The following ADK variants were observed in gnomAD, a reference collection of about 807,000 sequenced individuals.
The protein encoded by ADK is N6,N6-dimethyladenosine kinase.
In ADK, 24 loss-of-function variants were observed where a neutral mutation model predicts 44.7. The observed-to-expected ratio is 0.54, with a 90% CI of 0.39 to 0.76. The LOEUF (loss-of-function observed/expected upper bound fraction) is 0.76. Among genes scored for constraint, ADK ranks in the 30% least tolerant of loss-of-function variants. The pLI, the probability that ADK is intolerant of heterozygous loss-of-function variation, is 0.00. For synonymous variants in ADK, 128 were observed against 142.6 expected (o/e 0.90, Z 0.73); for missense variants, 321 against 425.1 (o/e 0.76, Z 2.15).
chr10:74,176,985 C>T, intron 1 of ADK: 2 of 1,510,324 alleles, frequency 1.3e-6, no homozygotes, highest in Admixed American at 1.9e-5. Flanking sequence ...CTGGAGCCTG[C>T]CTCCGCCTCT....
At chr10:74,395,536 TA>T (rs903257671) in intron 5 of ADK, among the ~76,000 whole-genome samples, 7 of 151,324 alleles carry the variant, frequency 4.6e-5, no homozygotes, top group Non-Finnish European at 7.4e-5. Flanking sequence ...TCAGGGATTT[TA>T]AAAAAAAACA....
chr10:74,594,882 T>C (rs1478848239), intron 8 of ADK, among the ~76,000 whole-genome samples: 4 of 152,168 alleles, frequency 2.6e-5, no homozygotes, highest in South Asian at 2.1e-4. Flanking sequence ...ATTAAAAAAA[T>C]AGGCTATATG....
At chr10:74,611,405 T>C (rs1305018399) in intron 9 of ADK, among the ~76,000 whole-genome samples, 3 of 152,052 alleles carry the variant, frequency 2.0e-5, no homozygotes, top group Non-Finnish European at 4.4e-5. Context: ...GGAGAAAATA[T>C]ATTAAGTCAG....
At chr10:74,479,035 G>GT (rs1846967652) in intron 6 of ADK, among the ~76,000 whole-genome samples, 1 of 151,962 alleles carries the variant, frequency 6.6e-6, no homozygotes, top group South Asian at 2.1e-4. Flanking sequence ...GTCTTACTCT[G>GT]TCTCCCAGGC....
At chr10:74,478,235 C>G (rs1201968458) in intron 6 of ADK, among the ~76,000 whole-genome samples, 1 of 152,126 alleles carries the variant, frequency 6.6e-6, no homozygotes, top group African/African-American at 2.4e-5. Flanking sequence ...TTATTTATTT[C>G]TAGAGACAGT....
chr10:74,455,724 G>A (rs185551279), intron 6 of ADK, among the ~76,000 whole-genome samples: 66 of 152,184 alleles, frequency 4.3e-4, no homozygotes, highest in African/African-American at 1.4e-3. Flanking sequence ...TGGCCAGGAT[G>A]GTCTTGATCT....
In ADK at chr10:74,652,746, C is replaced by T. The variant is rs1370178381; in HGVS notation, c.878-17437C>T. On this transcript the variant is annotated intron_variant, in intron 9 of 10. Coordinates refer to ENST00000539909, the MANE Select transcript of ADK (RefSeq NM_006721.4). ...CTGCACTCCAGCCTGGGCGATACGG[C>T]GAGACTTAGTATCAAAAAGAAAAAA... 3.3e-5 allele frequency among the ~76,000 whole-genome samples: 5 copies of T among 149,722 alleles called. 1 individual carries two copies. In the South Asian group the frequency reaches 8.5e-4, roughly 25 times the overall value.
At chr10:74,695,300 T>G (rs905947610) in intron 10 of ADK, among the ~76,000 whole-genome samples, 1 of 152,196 alleles carries the variant, frequency 6.6e-6, no homozygotes, top group African/African-American at 2.4e-5. Flanking sequence ...ATTGAATTTG[T>G]ATTGAATGTT....
rs1554883619 is a variant in ADK, at chr10:74,577,110, C to CTGTTTG, written c.727-12169_727-12168insTTGTGT. On this transcript the variant is annotated intron_variant, in intron 7 of 10. Transcript: ENST00000539909. ...CCACTTAGTGTTTTGTATTATTTCT[C>CTGTTTG]TGTGTGTGTGTGTGTGTGTGTGTGT... 2.2e-4 allele frequency among the ~76,000 whole-genome samples: 30 copies of CTGTTTG among 137,328 alleles called. 2 individuals carry two copies. The highest frequency in any genetic ancestry group is 7.8e-5 in the Non-Finnish European group (5 of 64,172). The allele number at this position is 137,328 out of a possible 152,430, so 90.1% of individuals were successfully genotyped here.
chr10:74,680,050 C>G (rs1192456130), intron 10 of ADK, among the ~76,000 whole-genome samples: 3 of 151,982 alleles, frequency 2.0e-5, no homozygotes, highest in Non-Finnish European at 4.4e-5. Flanking sequence ...CACGGTGGCT[C>G]ACGCCTGTAA....
rs530360794 is a variant in ADK, at chr10:74,301,487, C to T, written c.195-13180C>T. ...CCAGATTGCACCACTGCACTCCAGC[C>T]TGGGTGACAGAATGAGACTCTGTCT... On this transcript the variant is annotated intron_variant, in intron 3 of 10. Transcript: ENST00000539909. 2.8e-5 allele frequency among the ~76,000 whole-genome samples: 4 copies of T among 142,408 alleles called. No homozygotes were observed. In the East Asian group the frequency reaches 8.1e-4, roughly 29 times the overall value. 93.4% of individuals were successfully genotyped at this position (142,408 alleles called of 152,430 possible). A position where few individuals can be genotyped will look rare whatever the true frequency, so the allele number is the denominator to read the frequency against.
chr10:74,258,242 T>C (rs1845899517), intron 3 of ADK, among the ~76,000 whole-genome samples: 2 of 152,198 alleles, frequency 1.3e-5, no homozygotes, highest in South Asian at 4.1e-4. Context: ...TCACTTACTA[T>C]AGTAAATGAC....
At chr10:74,588,056 T>C (rs1003394301) in intron 7 of ADK, among the ~76,000 whole-genome samples, 7 of 152,128 alleles carry the variant, frequency 4.6e-5, no homozygotes, top group African/African-American at 1.4e-4. Context: ...GACTGTTTAT[T>C]ATAAAAAATT....
chr10:74,665,560 C>T (rs991780808), intron 9 of ADK, among the ~76,000 whole-genome samples: 1 of 151,818 alleles, frequency 6.6e-6, no homozygotes, highest in African/African-American at 2.4e-5. Flanking sequence ...CAGCAAGACC[C>T]TGTCTCTACA....
chr10:74,643,806 T>C (rs527866469), intron 9 of ADK, among the ~76,000 whole-genome samples: 1 of 152,338 alleles, frequency 6.6e-6, no homozygotes, highest in East Asian at 1.9e-4. Flanking sequence ...TTTAAAGATT[T>C]AGATGATTAG....
chr10:74,700,645 G>T (rs1049153752), intron 10 of ADK, among the ~76,000 whole-genome samples: 1 of 151,036 alleles, frequency 6.6e-6, no homozygotes, highest in African/African-American at 2.4e-5. Flanking sequence ...AAAAGAAAAA[G>T]AAAGAAAAGG....
intron 3 of ADK, among the ~76,000 whole-genome samples, chr10:74,267,754 T>TGTGTGTGTG (rs1846265534): frequency 7.5e-6 from 1 of 132,734 alleles, no homozygotes; most frequent in Admixed American, 7.9e-5. Flanking sequence ...ATATCCTTAT[T>TGTGTGTGTG]TGTGTGTGTG....
intron 3 of ADK, among the ~76,000 whole-genome samples, chr10:74,271,306 T>A (rs1242045860): frequency 6.6e-6 from 1 of 152,170 alleles, no homozygotes; most frequent in African/African-American, 2.4e-5. Context: ...TCTAACCTTG[T>A]TGATTAAGCA....
intron 3 of ADK, among the ~76,000 whole-genome samples, chr10:74,292,559 A>C (rs559152470): frequency 6.6e-6 from 1 of 152,222 alleles, no homozygotes; most frequent in South Asian, 2.1e-4. Context: ...CCCAACACTG[A>C]ACTCCTAATC....
Sources: gnomAD v4.1 joint callset for allele counts (sites outside exome capture counted in the v4.1 genomes callset) on GRCh38, gnomAD v4.1.1 for gene constraint, MANE v1.5 for transcripts, NCBI Gene and HGNC (gene_info 2026-07-23, HGNC 2026-07-21) for gene names.